Variants in CHD6 observed in about 807,000 individuals in gnomAD.
The protein encoded by CHD6 is ATP-dependent chromatin remodeler CHD6.
Under a neutral mutation model 276.9 loss-of-function variants are expected in CHD6, and 50 were observed. The observed-to-expected ratio is 0.18, with a 90% CI of 0.14 to 0.23. CHD6 has a LOEUF of 0.23. Ranked by LOEUF, CHD6 falls within the 10% of genes least tolerant of loss-of-function variation. The pLI is 1.00. For synonymous variants in CHD6, 1,173 were observed against 1,229.3 expected, an observed-to-expected ratio of 0.95 and a Z score of 0.96; for missense variants, 2,564 against 3,365.8, an observed-to-expected ratio of 0.76 and a Z score of 5.89.
At chr20:41,556,104 C>T (rs1393467914) in intron 1 of CHD6, among the ~76,000 whole-genome samples, 1 of 152,138 alleles carries the variant, frequency 6.6e-6, no homozygotes, top group Admixed American at 6.5e-5. Flanking sequence ...ATACGAAAAC[C>T]AGTCAGGCGT....
chr20:41,549,193 C>T (rs1248300465), intron 2 of CHD6, among the ~76,000 whole-genome samples: 28 of 151,888 alleles, frequency 1.8e-4, no homozygotes, highest in African/African-American at 5.3e-4. Context: ...CACATGCACA[C>T]GTATGTTTAT....
intron 1 of CHD6, among the ~76,000 whole-genome samples, chr20:41,574,776 A>G (rs2045455818): frequency 6.6e-6 from 1 of 152,176 alleles, no homozygotes; most frequent in Non-Finnish European, 1.5e-5. Context: ...AACCAAGAAA[A>G]AGAGTTTATA....
In CHD6 at chr20:41,403,763, A is replaced by G; in HGVS notation, c.*830T>C. The G allele has an allele frequency of 1.9e-6, 2 of 1,057,844 alleles. No individual in the cohort carries two copies. The highest frequency in any genetic ancestry group is 4.6e-5 in the South Asian group (1 of 21,946). 65.5% of individuals were successfully genotyped at this position (1,057,844 alleles called of 1,614,324 possible). On this transcript the variant is annotated 3_prime_UTR_variant, in exon 37 of 37. Transcript: ENST00000373233. ...GGCTAGAGAAATCTGTAAGCGAACC[A>G]GGTGAGAGCAGAGCGCTAGCCGTGT...
intron 15 of CHD6, among the ~76,000 whole-genome samples, chr20:41,483,743 A>G (rs923001751): frequency 1.3e-5 from 2 of 152,168 alleles, no homozygotes; most frequent in Non-Finnish European, 2.9e-5. Flanking sequence ...AAGTCTCACC[A>G]AGTAGAGAGA....
chr20:41,406,678 C>T (rs2046685702), intron 36 of CHD6, among the ~76,000 whole-genome samples: 1 of 152,214 alleles, frequency 6.6e-6, no homozygotes, highest in Admixed American at 6.5e-5. Context: ...TTTCTTCCCA[C>T]AGATGGGAAG....
intron 31 of CHD6, among the ~76,000 whole-genome samples, chr20:41,417,892 T>C (rs1242419407): frequency 6.6e-6 from 1 of 152,206 alleles, no homozygotes; most frequent in Non-Finnish European, 1.5e-5. Context: ...GAAATGGACA[T>C]GTAACTTATT....
At chr20:41,429,728 G>T (rs1490214660) in intron 27 of CHD6, among the ~76,000 whole-genome samples, 1 of 152,158 alleles carries the variant, frequency 6.6e-6, no homozygotes, top group East Asian at 1.9e-4. Flanking sequence ...CAGCTGGGAG[G>T]CAGATTTCTG....
intron 1 of CHD6, among the ~76,000 whole-genome samples, chr20:41,599,714 T>C (rs781404267): frequency 6.6e-6 from 1 of 152,220 alleles, no homozygotes; most frequent in African/African-American, 2.4e-5. Flanking sequence ...GCTTCCTTCG[T>C]CTTTCTCTCT....
intron 31 of CHD6, among the ~76,000 whole-genome samples, chr20:41,418,303 G>A (rs969420644): frequency 6.6e-6 from 1 of 152,132 alleles, no homozygotes; most frequent in Non-Finnish European, 1.5e-5. Flanking sequence ...AAAGAAACAA[G>A]ACGCCATGAT....
intron 27 of CHD6, among the ~76,000 whole-genome samples, chr20:41,427,694 G>A (rs1223532128): frequency 6.6e-6 from 1 of 152,066 alleles, no homozygotes; most frequent in East Asian, 1.9e-4. Flanking sequence ...CCTTTGCCTG[G>A]GCCAGAATTG....
At chr20:41,437,398 A>G in intron 26 of CHD6, 64 bp from the exon 27 acceptor site, 2 of 1,112,990 alleles carry the variant, frequency 1.8e-6, no homozygotes, top group South Asian at 2.7e-5. Flanking sequence ...AGTTTCAGTT[A>G]CCCTGGTCAA....
intron 1 of CHD6, among the ~76,000 whole-genome samples, chr20:41,591,447 T>C (rs1352735610): frequency 1.3e-5 from 2 of 148,922 alleles, no homozygotes; most frequent in Admixed American, 6.7e-5. Context: ...AGCCAGGAGA[T>C]TGGGAGGCCA....
intron 1 of CHD6, among the ~76,000 whole-genome samples, chr20:41,595,894 A>G (rs1015738526): frequency 6.6e-6 from 1 of 152,098 alleles, no homozygotes; most frequent in African/African-American, 2.4e-5. Context: ...CCAGGAGGAA[A>G]TAGACTATGC....
chr20:41,512,999 T>C lies in CHD6; in HGVS notation c.703-4A>G. On this transcript the variant is annotated splice_polypyrimidine_tract_variant and splice_region_variant and intron_variant, in intron 4 of 36. Coordinates refer to ENST00000373233, the MANE Select transcript of CHD6 (RefSeq NM_032221.5). ...CTTGCCTTCCCGAGCGTCGTTTCTG[T>C]AGGGCAAACACACCCGTCAGAGAAG... The C allele has an allele frequency of 1.2e-6, 2 of 1,613,948 alleles. No homozygotes were observed. The highest frequency in any genetic ancestry group is 1.7e-6 in the Non-Finnish European group (2 of 1,179,896).
intron 30 of CHD6, among the ~76,000 whole-genome samples, chr20:41,423,059 A>T (rs139935781): frequency 9.2e-5 from 14 of 152,344 alleles, no homozygotes; most frequent in Non-Finnish European, 1.8e-4. Flanking sequence ...GCATCAGGGG[A>T]TATTTAAATG....
chr20:41,480,723 T>C (rs2092371), intron 16 of CHD6, among the ~76,000 whole-genome samples: 53,748 of 151,910 alleles, frequency 0.35, 12,332 homozygotes, highest in African/African-American at 0.63. Context: ...CCAAAAGAAA[T>C]AGCATAAAGA....
At chr20:41,535,491 G>C (rs995837644) in intron 2 of CHD6, among the ~76,000 whole-genome samples, 24 of 152,194 alleles carry the variant, frequency 1.6e-4, no homozygotes, top group Non-Finnish European at 1.5e-4. Flanking sequence ...CCAATTCATT[G>C]AGCATTGTAT....
At chr20:41,480,839 T>C (rs773997016) in intron 16 of CHD6, among the ~76,000 whole-genome samples, 3 of 152,148 alleles carry the variant, frequency 2.0e-5, no homozygotes, top group Non-Finnish European at 4.4e-5. Flanking sequence ...CTCTTTAAAT[T>C]ATGTGCACAT....
intron 1 of CHD6, among the ~76,000 whole-genome samples, chr20:41,578,928 G>A (rs1379585688): frequency 3.3e-5 from 5 of 151,166 alleles, no homozygotes; most frequent in South Asian, 2.1e-4. Flanking sequence ...TCAGGAGTTC[G>A]AGACCAGCCT....
Sources: gnomAD v4.1 joint callset for allele counts (sites outside exome capture counted in the v4.1 genomes callset) on GRCh38, gnomAD v4.1.1 for gene constraint, MANE v1.5 for transcripts, NCBI Gene and HGNC (gene_info 2026-07-23, HGNC 2026-07-21) for gene names.